Variants in SLC6A18 observed in about 807,000 individuals in gnomAD.
SLC6A18 encodes solute carrier family 6 member 18.
In SLC6A18, 58 loss-of-function variants were observed where a neutral mutation model predicts 62.9. The ratio of observed to expected loss-of-function variants is 0.92; its 90% CI spans 0.75 to 1.15. SLC6A18 has a LOEUF of 1.15. SLC6A18 is among the 50% of genes most tolerant of loss of function. The pLI, the probability that SLC6A18 is intolerant of heterozygous loss-of-function variation, is 0.00. For missense variants in SLC6A18, 793 were observed against 836.6 expected (o/e 0.95, Z 0.64); for synonymous variants, 382 against 365.8 (o/e 1.04, Z -0.51).
intron 1 of SLC6A18, among the ~76,000 whole-genome samples, chr5:1,229,182 G>A (rs1434922350): frequency 6.6e-6 from 1 of 151,982 alleles, no homozygotes. Context: ...CGACGTTCCT[G>A]TTTCGTGAAG....
Position 1,246,119 on chromosome 5 carries a change from G to C in SLC6A18, c.*41G>C, listed in dbSNP as rs1378455572. ...GGCCTGCATGGGCGGGTCTGTGGGG[G>C]GGCTTGGCCTGATGGTGGGCGGGGC... On this transcript the variant is annotated 3_prime_UTR_variant, in exon 12 of 12. Coordinates refer to ENST00000324642, the MANE Select transcript of SLC6A18 (RefSeq NM_182632.3). 6.6e-7 allele frequency: 1 copy of C among 1,522,436 alleles called. No individual in the cohort carries two copies. The highest frequency in any genetic ancestry group is 1.4e-5 in the African/African-American group (1 of 71,942). The allele number at this position is 1,522,436 out of a possible 1,614,324, so 94.3% of individuals were successfully genotyped here.
chr5:1,240,464 C>T (rs909242175), intron 6 of SLC6A18, 67 bp from the exon 7 acceptor site: 4 of 1,598,382 alleles, frequency 2.5e-6, no homozygotes, highest in Non-Finnish European at 3.4e-6. Flanking sequence ...CCCCTCCTCA[C>T]TTCCTCCCCT....
intron 7 of SLC6A18, 54 bp downstream of exon 7, chr5:1,240,713 C>T (rs2126539226): frequency 6.2e-7 from 1 of 1,603,070 alleles, no homozygotes; most frequent in Non-Finnish European, 8.5e-7. Flanking sequence ...AGACAGGTGC[C>T]TGCCGCACCG....
chr5:1,226,507 C>T (rs957459042), intron 1 of SLC6A18, among the ~76,000 whole-genome samples: 7 of 152,214 alleles, frequency 4.6e-5, no homozygotes, highest in Admixed American at 2.6e-4. Flanking sequence ...CTGAGAGCCC[C>T]GCACAACTAT....
chr5:1,225,935 C>T (rs573946685), intron 1 of SLC6A18, among the ~76,000 whole-genome samples: 5 of 152,314 alleles, frequency 3.3e-5, no homozygotes, highest in East Asian at 3.9e-4. Flanking sequence ...TTGAATGGGC[C>T]GCCCTGCCCG....
At chr5:1,232,977 T>C (rs1183171482) in intron 3 of SLC6A18, 89 bp downstream of exon 3, 2 of 1,507,368 alleles carry the variant, frequency 1.3e-6, no homozygotes, top group South Asian at 1.3e-5. Context: ...CAGCTGCGGG[T>C]GGCGGATGCT....
chr5:1,235,677 G>T lies in SLC6A18; in HGVS notation c.621+15G>T, dbSNP rs1746866088. 1 of 1,613,402 alleles carries T rather than the reference G, an allele frequency of 6.2e-7. No individual in the cohort carries two copies. Among genetic ancestry groups the T allele is most frequent in the Non-Finnish European group, 8.5e-7 (1 of 1,179,776 alleles). On this transcript the variant is annotated intron_variant, in intron 4 of 11. Coordinates refer to ENST00000324642, the MANE Select transcript of SLC6A18 (RefSeq NM_182632.3). ...CTACAGGGAAGGTGAGAGCTGGCAG[G>T]GCCTGATCCCCTCTCTTGCTTCCTC...
At chr5:1,245,569 T>TGAG (rs371967935) in intron 11 of SLC6A18, among the ~76,000 whole-genome samples, 23 of 152,294 alleles carry the variant, frequency 1.5e-4, no homozygotes, top group African/African-American at 5.1e-4. Context: ...CCCAATGGGT[T>TGAG]GAGGCCATGT....
In SLC6A18 at chr5:1,236,726, G is replaced by T. The variant is rs527506649; in HGVS notation, c.621+1064G>T. Among the ~76,000 whole-genome samples the T allele has an allele frequency of 7.2e-5, 11 of 151,858 alleles. No homozygotes were observed. In the South Asian group the frequency reaches 2.3e-3, roughly 32 times the overall value. ...GACACAGGACCCCAGTGCCCCATGC[G>T]CTGTGCAGTGTCTCAGGACGCCAGT... On this transcript the variant is annotated intron_variant, in intron 4 of 11. Transcript: ENST00000324642.
intron 11 of SLC6A18, among the ~76,000 whole-genome samples, chr5:1,245,232 C>A (rs2126544294): frequency 6.6e-6 from 1 of 152,248 alleles, no homozygotes; most frequent in South Asian, 2.1e-4. Context: ...GAGGCCGTTT[C>A]CACACAAAAG....
chr5:1,246,135 T>TGGGCG lies in SLC6A18; in HGVS notation c.*62_*66dup. The TGGGCG allele has an allele frequency of 3.0e-6, 4 of 1,324,690 alleles. No homozygotes were observed. Among genetic ancestry groups the TGGGCG allele is most frequent in the Non-Finnish European group, 3.0e-6 (3 of 1,014,544 alleles). 82.1% of individuals were successfully genotyped at this position (1,324,690 alleles called of 1,614,324 possible). On this transcript the variant is annotated 3_prime_UTR_variant, in exon 12 of 12. Transcript: ENST00000324642. ...TCTGTGGGGGGGCTTGGCCTGATGGTGGGCGGGGCCCCGCCCACAGGGCCG... is the reference window on the plus strand; with the variant it reads ...TCTGTGGGGGGGCTTGGCCTGATGGTGGGCGGGGCGGGGCCCCGCCCACAGGGCCG...
chr5:1,238,190 T>C (rs1304204611), intron 5 of SLC6A18, 130 bp downstream of exon 5: 2 of 750,790 alleles, frequency 2.7e-6, no homozygotes, highest in Non-Finnish European at 4.6e-6. Context: ...TGCCTGGTGG[T>C]CAGGGGTGAG....
At chr5:1,225,711 C>T (rs923675459) in intron 1 of SLC6A18, 74 bp downstream of exon 1, 3 of 1,472,114 alleles carry the variant, frequency 2.0e-6, no homozygotes, top group African/African-American at 1.5e-5. Context: ...TGCCAGGCGC[C>T]TGCCACGCAT....
rs1435249950 is a variant in SLC6A18 at position 1,238,279 on chromosome 5, G to GACATC, written c.732+220_732+221insCATCA. 1.7e-4 allele frequency among the ~76,000 whole-genome samples: 22 copies of GACATC among 126,738 alleles called. 1 individual carries two copies. Among genetic ancestry groups the GACATC allele is most frequent in the South Asian group, 8.0e-4 (3 of 3,772 alleles). 83.1% of individuals were successfully genotyped at this position (126,738 alleles called of 152,430 possible). A position where few individuals can be genotyped will look rare whatever the true frequency, so the allele number is the denominator to read the frequency against. The stretch of plus-strand genomic sequence containing the variant: ...GGAGTGAGCCTGGGGCCTCAGGAAA[G>GACATC]AGGTCAGGTTTGGAGTGGGCCTGGA... On this transcript the variant is annotated intron_variant, in intron 5 of 11. Transcript: ENST00000324642.
At chr5:1,236,486 T>C (rs1175385272) in intron 4 of SLC6A18, among the ~76,000 whole-genome samples, 1 of 152,222 alleles carries the variant, frequency 6.6e-6, no homozygotes, top group African/African-American at 2.4e-5. Flanking sequence ...TGTATTGATG[T>C]TCAACCATGT....
intron 3 of SLC6A18, among the ~76,000 whole-genome samples, chr5:1,233,996 CT>C (rs1746818284): frequency 6.6e-6 from 1 of 152,188 alleles, no homozygotes; most frequent in African/African-American, 2.4e-5. Context: ...CTGCCTCGGC[CT>C]CCCAAAGTGC....
At position 1,243,691 on chromosome 5, in the gene SLC6A18, A is replaced by G. The variant is rs780033519; in HGVS notation, c.1268A>G (p.Glu423Gly). 6.2e-7 allele frequency: 1 copy of G among 1,613,918 alleles called. No homozygotes were observed. Among genetic ancestry groups the G allele is most frequent in the Non-Finnish European group, 8.5e-7 (1 of 1,179,964 alleles). Residue 423 changes from glutamate to glycine, a missense_variant, in exon 9 of 12, where the codon GAG becomes GGG. Transcript: ENST00000324642. This position sits in a 1 kb window ranked among gnomAD's most constrained non-coding sequence, Gnocchi z 6.5. Reference protein sequence around the residue: ...LGLSTMFGTVEAVITPLLDVG... With the variant: ...LGLSTMFGTVGAVITPLLDVG... ...CTATCGACCATGTTCGGGACCGTGG[A>G]GGCGGTCATCACACCCCTGCTGGAC... is the stretch of plus-strand genomic sequence containing the variant.
At position 1,241,826 on chromosome 5, in the gene SLC6A18, ACATCTCAATGAGCAGG is replaced by A. The variant is rs1561180186; in HGVS notation, c.975-879_975-864del. 6.6e-6 allele frequency among the ~76,000 whole-genome samples: 1 copy of A among 152,248 alleles called. No individual in the cohort carries two copies. Among genetic ancestry groups the A allele is most frequent in the Non-Finnish European group, 1.5e-5 (1 of 68,046 alleles). The stretch of plus-strand genomic sequence containing the variant: ...CGCAAATATTGACGGGGTTACAAGC[ACATCTCAATGAGCAGG>A]CGGATAAGGACCAGCCGTGCGCACA... On this transcript the variant is annotated intron_variant, in intron 7 of 11. Coordinates refer to ENST00000324642, the MANE Select transcript of SLC6A18 (RefSeq NM_182632.3). The surrounding 1 kb of genome is among the most constrained non-coding windows in gnomAD (Gnocchi z 7.8).
rs200681678 is a variant in SLC6A18 at position 1,225,521 on chromosome 5, G to A, written c.44G>A (p.Gly15Glu). The change falls in exon 1 of 12, where the codon GGG becomes GAG. Residue 15 changes from glycine (G) to glutamate (E), a missense_variant. Coordinates refer to ENST00000324642, the MANE Select transcript of SLC6A18 (RefSeq NM_182632.3). ...PEPDPAACDL[G>E]DERPKWDNKA... is the part of the protein sequence containing the mutation. ...CCGGACCCGGCCGCCTGCGACCTCG[G>A]GGATGAGAGGCCCAAGTGGGACAAC... 7 of 1,613,494 alleles carry A rather than the reference G, an allele frequency of 4.3e-6. No individual in the cohort carries two copies. In the Admixed American group the frequency reaches 1.0e-4, roughly 23 times the overall value.
Sources: gnomAD v4.1 joint callset for allele counts (sites outside exome capture counted in the v4.1 genomes callset) on GRCh38, gnomAD v4.1.1 for gene constraint, Gnocchi (gnomAD v3.1) non-coding constraint, MANE v1.5 for transcripts, NCBI Gene and HGNC (gene_info 2026-07-23, HGNC 2026-07-21) for gene names.